SLC24A4: variants seen among roughly 807,000 people sequenced by gnomAD.
SLC24A4 encodes solute carrier family 24 member 4, also known as sodium/potassium/calcium exchanger 4.
SLC24A4 carries 53 observed loss-of-function variants against 79.0 expected under a neutral mutation model. That is an observed-to-expected ratio of 0.67 (90% CI 0.54 to 0.84). The LOEUF is 0.84. Ranked by LOEUF, SLC24A4 falls within the 40% of genes least tolerant of loss-of-function variation. The pLI, the probability that SLC24A4 is intolerant of heterozygous loss-of-function variation, is 0.00. For missense variants in SLC24A4, 731 were observed against 822.0 expected, an observed-to-expected ratio of 0.89 and a Z score of 1.35; for synonymous variants, 323 against 323.8, an observed-to-expected ratio of 1.00 and a Z score of 0.03.
rs1369152891 is a variant in SLC24A4, at chr14:92,449,058, C to G, written c.738-16C>G. ...CCTTTCCATTGCCCTGACCTCCTGC[C>G]TCCCCTCGCTTCCAGGTACAATGTG... On this transcript the variant is annotated splice_polypyrimidine_tract_variant and intron_variant, in intron 9 of 16. Transcript: ENST00000532405. 13 of 1,613,698 alleles carry G rather than the reference C, an allele frequency of 8.1e-6. No individual in the cohort carries two copies. The highest frequency in any genetic ancestry group is 1.1e-5 in the Non-Finnish European group (13 of 1,179,812).
chr14:92,356,224 T>C (rs780527552), intron 2 of SLC24A4, among the ~76,000 whole-genome samples: 29 of 152,150 alleles, frequency 1.9e-4, no homozygotes, highest in Non-Finnish European at 1.3e-4. Context: ...TTGGGTAGAT[T>C]CAATGCATTG....
In SLC24A4 at chr14:92,330,997, C is replaced by T. The variant is rs1248302895; in HGVS notation, c.241+5019C>T. ...AGAATGGAACCTGGTGCTTCTCAAC[C>T]TTGGCCTGTAAATGAGAGACACCAG... is the stretch of plus-strand genomic sequence containing the variant. On this transcript the variant is annotated intron_variant, in intron 2 of 16. Transcript: ENST00000532405. Among the ~76,000 whole-genome samples the T allele has an allele frequency of 2.0e-5, 3 of 152,186 alleles. No homozygotes were observed. In the East Asian group the frequency reaches 5.8e-4, roughly 29 times the overall value.
chr14:92,487,944 C>T (rs1895459204), intron 14 of SLC24A4, among the ~76,000 whole-genome samples: 1 of 152,192 alleles, frequency 6.6e-6, no homozygotes, highest in South Asian at 2.1e-4. Context: ...CGCATTCTTC[C>T]CTTGGTATGT....
rs1206284866 is a variant in SLC24A4 at position 92,490,285 on chromosome 14, G to A, written c.1538-1380G>A. ...CAGTGGTGTGGAAGTATGGCTCAGT[G>A]GCCGGGTTAGGGCAGATTCCAGCCA... On this transcript the variant is annotated intron_variant, in intron 14 of 16. Coordinates refer to ENST00000532405, the MANE Select transcript of SLC24A4 (RefSeq NM_153646.4). This position sits in a 1 kb window ranked among gnomAD's most constrained non-coding sequence, Gnocchi z 4.3. 1.3e-5 allele frequency among the ~76,000 whole-genome samples: 2 copies of A among 152,206 alleles called. No homozygotes were observed. Among genetic ancestry groups the A allele is most frequent in the Admixed American group, 6.5e-5 (1 of 15,282 alleles).
intron 2 of SLC24A4, among the ~76,000 whole-genome samples, chr14:92,378,466 G>A (rs934519452): frequency 6.6e-6 from 1 of 152,136 alleles, no homozygotes; most frequent in South Asian, 2.1e-4. Flanking sequence ...GGTTTTAATA[G>A]GCATTTCCTT....
At chr14:92,376,622 T>A (rs933581072) in intron 2 of SLC24A4, among the ~76,000 whole-genome samples, 1 of 152,244 alleles carries the variant, frequency 6.6e-6, no homozygotes, top group South Asian at 2.1e-4. Flanking sequence ...GCGGCAAGTG[T>A]GCTCTGAGCC....
At chr14:92,333,542 C>G (rs564069766) in intron 2 of SLC24A4, among the ~76,000 whole-genome samples, 1 of 152,250 alleles carries the variant, frequency 6.6e-6, no homozygotes, top group South Asian at 2.1e-4. Flanking sequence ...TTTAAGTCCT[C>G]CTTTAGAATT....
At chr14:92,370,575 TAAAAC>T (rs57266576) in intron 2 of SLC24A4, among the ~76,000 whole-genome samples, 8,199 of 152,180 alleles carry the variant, frequency 0.054, 465 homozygotes, top group African/African-American at 0.14. Flanking sequence ...ATGCTTTTAT[TAAAAC>T]AAAAGAAGGA....
chr14:92,378,392 A>T (rs1220056453), intron 2 of SLC24A4, among the ~76,000 whole-genome samples: 1 of 152,140 alleles, frequency 6.6e-6, no homozygotes, highest in Non-Finnish European at 1.5e-5. Flanking sequence ...TTACACTCCC[A>T]CCAGAATGTA....
intron 12 of SLC24A4, among the ~76,000 whole-genome samples, chr14:92,471,140 A>G (rs1894420335): frequency 1.3e-5 from 2 of 152,222 alleles, no homozygotes; most frequent in African/African-American, 4.8e-5. Flanking sequence ...ATGTAACAAG[A>G]AGTCCTGAAA....
At chr14:92,411,334 C>T (rs1890696554) in intron 2 of SLC24A4, among the ~76,000 whole-genome samples, 1 of 152,218 alleles carries the variant, frequency 6.6e-6, no homozygotes, top group South Asian at 2.1e-4. Flanking sequence ...TCCTCCCACC[C>T]ACCCCATGAT....
chr14:92,408,125 T>C (rs924984960), intron 2 of SLC24A4, among the ~76,000 whole-genome samples: 2 of 146,794 alleles, frequency 1.4e-5, no homozygotes, highest in Non-Finnish European at 3.0e-5. Context: ...TGAATTGTCA[T>C]GGGATGTTCA....
intron 2 of SLC24A4, among the ~76,000 whole-genome samples, chr14:92,333,607 G>A (rs1222070358): frequency 1.3e-5 from 2 of 152,180 alleles, no homozygotes; most frequent in African/African-American, 4.8e-5. Flanking sequence ...AGATGCCTGA[G>A]CTGTGTGTCC....
rs1469275397 is a variant in SLC24A4 at position 92,498,137 on chromosome 14, T to C, written c.*4509T>C. 1 of 152,394 alleles carries C rather than the reference T, an allele frequency of 6.6e-6. No individual in the cohort carries two copies. The highest frequency in any genetic ancestry group is 2.4e-5 in the African/African-American group (1 of 41,558). 9.4% of individuals were successfully genotyped at this position (152,394 alleles called of 1,614,324 possible). A position where few individuals can be genotyped will look rare whatever the true frequency, so the allele number is the denominator to read the frequency against. On this transcript the variant is annotated 3_prime_UTR_variant, in exon 17 of 17. Coordinates refer to ENST00000532405, the MANE Select transcript of SLC24A4 (RefSeq NM_153646.4). Reference sequence around the variant, plus strand: ...GTGGCAGTAAGTCCATCAACCCCCATCTACCCCGGGCCTGAAGCGCTGCGC... The same window carrying C: ...GTGGCAGTAAGTCCATCAACCCCCACCTACCCCGGGCCTGAAGCGCTGCGC...
intron 9 of SLC24A4, among the ~76,000 whole-genome samples, chr14:92,447,759 G>C (rs1276108455): frequency 6.6e-6 from 1 of 152,236 alleles, no homozygotes; most frequent in African/African-American, 2.4e-5. Flanking sequence ...ACTCACTTGT[G>C]CTGTCTCTAG....
intron 2 of SLC24A4, among the ~76,000 whole-genome samples, chr14:92,409,518 A>T (rs747884898): frequency 3.3e-5 from 5 of 152,212 alleles, no homozygotes; most frequent in Non-Finnish European, 7.3e-5. Context: ...GAAGGATAAC[A>T]TACCTATGGG....
intron 10 of SLC24A4, chr14:92,453,533 G>A (rs1262384799): frequency 1.7e-5 from 3 of 173,112 alleles, no homozygotes; most frequent in East Asian, 1.6e-4. Flanking sequence ...GTGAAAAGTG[G>A]TAGGCCCCCG....
At chr14:92,492,090 C>T (rs1289221905) in intron 15 of SLC24A4, 85 bp from the exon 16 acceptor site, 2 of 1,226,720 alleles carry the variant, frequency 1.6e-6, no homozygotes, top group African/African-American at 3.0e-5. Flanking sequence ...TGAGGGAATG[C>T]ATTGGGCCCA....
Position 92,498,909 on chromosome 14 carries a change from C to G in SLC24A4, c.*5281C>G, listed in dbSNP as rs1489940907. ...GGCCGGGTAGCTAATGGGAGGATGT[C>G]CAGCCTGTCACTGTGCTCCCAGCGC... On this transcript the variant is annotated 3_prime_UTR_variant, in exon 17 of 17. Coordinates refer to ENST00000532405, the MANE Select transcript of SLC24A4 (RefSeq NM_153646.4). 6.6e-6 allele frequency: 1 copy of G among 152,266 alleles called. No individual in the cohort carries two copies. The highest frequency in any genetic ancestry group is 1.5e-5 in the Non-Finnish European group (1 of 68,062). The allele number at this position is 152,266 out of a possible 1,614,324, so 9.4% of individuals were successfully genotyped here. A position where few individuals can be genotyped will look rare whatever the true frequency, so the allele number is the denominator to read the frequency against.
Sources: allele counts gnomAD v4.1 joint callset (sites outside exome capture counted in the v4.1 genomes callset), GRCh38; gene constraint gnomAD v4.1.1; non-coding constraint Gnocchi (gnomAD v3.1); transcripts MANE v1.5; gene names NCBI Gene and HGNC (gene_info 2026-07-23, HGNC 2026-07-21).